CIROZ: variants seen among roughly 807,000 people sequenced by gnomAD.
CIROZ encodes ciliated left-right organizer ZP-N domains-containing protein.
At chr1:10,955,277 C>T in the CIROZ span, 7 of 1,244,686 alleles carry the variant, frequency 5.6e-6, no homozygotes, top group East Asian at 1.6e-4. Context: ...CCAGGGGCCA[C>T]ACCTGTGGCC....
At chr1:10,961,244 G>C in the CIROZ span, among the ~76,000 whole-genome samples, 2 of 152,176 alleles carry the variant, frequency 1.3e-5, no homozygotes, top group African/African-American at 4.8e-5. Context: ...CCAGCCCCGG[G>C]ATGTCAAACA....
chr1:10,947,523 G>A, the CIROZ span: 3 of 674,156 alleles, frequency 4.5e-6, no homozygotes, highest in Admixed American at 7.0e-5. Flanking sequence ...GTGATCATCT[G>A]GGCCAGAAGA....
the CIROZ span, among the ~76,000 whole-genome samples, chr1:10,963,392 AAAACAAAC>A: frequency 2.0e-5 from 3 of 152,092 alleles, no homozygotes; most frequent in Non-Finnish European, 2.9e-5. Flanking sequence ...CCATCTCAAA[AAAACAAAC>A]AAACAAACAA....
At chr1:10,960,633 T>TC in the CIROZ span, among the ~76,000 whole-genome samples, 1 of 152,188 alleles carries the variant, frequency 6.6e-6, no homozygotes. The surrounding 1 kb of genome is among the most constrained non-coding windows in gnomAD (Gnocchi z 4.6). Flanking sequence ...GGCCTCCCGC[T>TC]CGGGGCCTGT....
At chr1:10,947,897 C>T in the CIROZ span, 1 of 1,613,410 alleles carries the variant, frequency 6.2e-7, no homozygotes, top group African/African-American at 1.3e-5. Flanking sequence ...CAACCCCCCA[C>T]TCCTCCTGGC....
chr1:10,955,258 G>A, the CIROZ span: 4 of 1,435,770 alleles, frequency 2.8e-6, no homozygotes, highest in East Asian at 9.2e-5. Context: ...AAGTGGTGGT[G>A]GGCCTTTGCC....
At chr1:10,959,341 C>A in the CIROZ span, among the ~76,000 whole-genome samples, 2 of 152,114 alleles carry the variant, frequency 1.3e-5, no homozygotes, top group Non-Finnish European at 2.9e-5. This position sits in a 1 kb window ranked among gnomAD's most constrained non-coding sequence, Gnocchi z 4.3. Context: ...TTTCTCGTAC[C>A]GCGCCTGAGT....
the CIROZ span, among the ~76,000 whole-genome samples, chr1:10,958,213 G>A: frequency 7.3e-4 from 111 of 152,320 alleles, no homozygotes; most frequent in African/African-American, 2.5e-3. Context: ...GACTGGCAGG[G>A]AGACATCAGG....
At chr1:10,954,797 T>A in the CIROZ span, among the ~76,000 whole-genome samples, 1 of 152,156 alleles carries the variant, frequency 6.6e-6, no homozygotes, top group Admixed American at 6.5e-5. Flanking sequence ...CTCACTATGT[T>A]TCCCAGGCTG....
chr1:10,974,333 G>A, the CIROZ span, among the ~76,000 whole-genome samples: 1 of 152,120 alleles, frequency 6.6e-6, no homozygotes, highest in South Asian at 2.1e-4. This position sits in a 1 kb window ranked among gnomAD's most constrained non-coding sequence, Gnocchi z 4.4. Context: ...GACGAGCGCA[G>A]AGAGGCGATG....
the CIROZ span, among the ~76,000 whole-genome samples, chr1:10,959,965 C>T: frequency 6.6e-6 from 1 of 152,200 alleles, no homozygotes; most frequent in Non-Finnish European, 1.5e-5. This position sits in a 1 kb window ranked among gnomAD's most constrained non-coding sequence, Gnocchi z 4.3. Context: ...GAGGATGCGG[C>T]AATTCCTCAA....
the CIROZ span, among the ~76,000 whole-genome samples, chr1:10,956,518 C>T: frequency 6.6e-6 from 1 of 151,700 alleles, no homozygotes; most frequent in African/African-American, 2.4e-5. Context: ...CTCTGTCCCC[C>T]AGGCTGGAGT....
the CIROZ span, among the ~76,000 whole-genome samples, chr1:10,970,967 A>AC: frequency 1.2e-3 from 171 of 145,094 alleles, 1 homozygote; most frequent in African/African-American, 4.2e-3. Context: ...CCAAAGCAAG[A>AC]CCCCCCATCT....
At chr1:10,976,158 G>A in the CIROZ span, 2 of 1,536,488 alleles carry the variant, frequency 1.3e-6, no homozygotes, top group South Asian at 2.4e-5. Flanking sequence ...TGATTCACCT[G>A]TTAAAACTTC....
At chr1:10,949,579 C>T in the CIROZ span, 19 of 1,563,414 alleles carry the variant, frequency 1.2e-5, no homozygotes, top group African/African-American at 2.3e-4. Flanking sequence ...GGGGACCAGA[C>T]TCTTTGGAGG....
chr1:10,974,117 T>A, the CIROZ span, among the ~76,000 whole-genome samples: 1 of 151,886 alleles, frequency 6.6e-6, no homozygotes, highest in African/African-American at 2.4e-5. The surrounding 1 kb of genome is among the most constrained non-coding windows in gnomAD (Gnocchi z 4.4). Flanking sequence ...ATGGGGCAGG[T>A]CCCCAGTAAG....
chr1:10,972,151 C>T, the CIROZ span, among the ~76,000 whole-genome samples: 4 of 152,152 alleles, frequency 2.6e-5, no homozygotes, highest in African/African-American at 9.7e-5. Flanking sequence ...ACAACAGCAT[C>T]GTGAGATTGT....
the CIROZ span, among the ~76,000 whole-genome samples, chr1:10,971,293 C>T: frequency 2.6e-5 from 4 of 151,342 alleles, no homozygotes; most frequent in Non-Finnish European, 4.4e-5. Context: ...TCACCCCTGA[C>T]CCCAGCCTCT....
chr1:10,960,046 G>C, the CIROZ span, among the ~76,000 whole-genome samples: 3 of 152,124 alleles, frequency 2.0e-5, no homozygotes, highest in Non-Finnish European at 4.4e-5. This position sits in a 1 kb window ranked among gnomAD's most constrained non-coding sequence, Gnocchi z 4.6. Context: ...AGACAGAGAG[G>C]CCCCCAGAGG....
Sources: gnomAD v4.1 joint callset for allele counts (sites outside exome capture counted in the v4.1 genomes callset) on GRCh38, gnomAD v4.1.1 for gene constraint, Gnocchi (gnomAD v3.1) non-coding constraint, MANE v1.5 for transcripts, NCBI Gene and HGNC (gene_info 2026-07-23, HGNC 2026-07-21) for gene names.